The following WWOX variants were observed in gnomAD, a reference collection of about 807,000 sequenced individuals.
WWOX encodes WW domain containing oxidoreductase, also known as WW domain-containing oxidoreductase.
A neutral mutation model predicts 46.2 loss-of-function variants in WWOX; 69 were observed. The ratio of observed to expected loss-of-function variants is 1.49; its 90% CI spans 1.23 to 1.82. The LOEUF (loss-of-function observed/expected upper bound fraction) is 1.82, where lower values mean the gene tolerates loss of function less well. WWOX is among the 40% of genes most tolerant of loss of function. The pLI, the probability that WWOX is intolerant of heterozygous loss-of-function variation, is 0.00. For synonymous variants in WWOX, 359 were observed against 202.6 expected, an observed-to-expected ratio of 1.77 and a Z score of -6.56; for missense variants, 919 against 542.6, an observed-to-expected ratio of 1.69 and a Z score of -6.89.
At chr16:78,141,662 C>T (rs373860916) in intron 4 of WWOX, among the ~76,000 whole-genome samples, 1 of 151,976 alleles carries the variant, frequency 6.6e-6, no homozygotes, top group South Asian at 2.1e-4. Flanking sequence ...CACATACTTG[C>T]TTTAGAGAGT....
At chr16:78,900,764 A>G (rs1275351363) in intron 8 of WWOX, among the ~76,000 whole-genome samples, 1 of 152,158 alleles carries the variant, frequency 6.6e-6, no homozygotes, top group African/African-American at 2.4e-5. Context: ...GAATATTCAT[A>G]GTGGTCATGC....
chr16:78,721,519 G>T (rs1009985109), intron 8 of WWOX, among the ~76,000 whole-genome samples: 2 of 152,154 alleles, frequency 1.3e-5, no homozygotes, highest in Non-Finnish European at 2.9e-5. Context: ...TTGTGGGCTG[G>T]GGGAACCAGA....
At chr16:79,159,786 C>T (rs1375388365) in intron 8 of WWOX, among the ~76,000 whole-genome samples, 1 of 152,192 alleles carries the variant, frequency 6.6e-6, no homozygotes, top group Non-Finnish European at 1.5e-5. Context: ...TGCGAATTCT[C>T]CTCATGCTAG....
intron 5 of WWOX, among the ~76,000 whole-genome samples, chr16:78,315,157 A>T (rs1244401907): frequency 2.6e-5 from 4 of 152,158 alleles, no homozygotes. Context: ...TTTCTTATGT[A>T]AGAAAACTCT....
At chr16:78,583,608 C>A (rs2045117699) in intron 8 of WWOX, among the ~76,000 whole-genome samples, 1 of 152,166 alleles carries the variant, frequency 6.6e-6, no homozygotes, top group Non-Finnish European at 1.5e-5. Context: ...TCTTCCCAAG[C>A]TGGGATTGAC....
intron 8 of WWOX, among the ~76,000 whole-genome samples, chr16:78,559,978 G>C (rs1009912621): frequency 1.3e-5 from 2 of 152,132 alleles, no homozygotes; most frequent in African/African-American, 4.8e-5. Flanking sequence ...ACTAGCCAAG[G>C]TCTCTGGAGT....
At chr16:78,490,133 A>T (rs1282901232) in intron 8 of WWOX, among the ~76,000 whole-genome samples, 86 of 141,136 alleles carry the variant, frequency 6.1e-4, no homozygotes, top group African/African-American at 2.0e-3. Flanking sequence ...TGGGGAAAAA[A>T]TTTTTTTTTT....
At chr16:78,967,458 GGTT>G (rs1567445416) in intron 8 of WWOX, among the ~76,000 whole-genome samples, 1 of 91,444 alleles carries the variant, frequency 1.1e-5, no homozygotes, top group Non-Finnish European at 2.1e-5. Flanking sequence ...TAATTTTTGT[GGTT>G]TTTTTTTTTT....
At chr16:78,857,856 C>G (rs1391314679) in intron 8 of WWOX, among the ~76,000 whole-genome samples, 1 of 152,094 alleles carries the variant, frequency 6.6e-6, no homozygotes, top group Non-Finnish European at 1.5e-5. Context: ...GCATTTTTGA[C>G]CGAAATTAAA....
Position 79,212,128 on chromosome 16 carries a change from A to T in WWOX, c.*332A>T. The T allele has an allele frequency of 2.6e-6, 4 of 1,531,126 alleles. No individual in the cohort carries two copies. Among genetic ancestry groups the T allele is most frequent in the Non-Finnish European group, 3.5e-6 (4 of 1,144,012 alleles). The allele number at this position is 1,531,126 out of a possible 1,614,324, so 94.8% of individuals were successfully genotyped here. ...TCTCTTTCTTTTACTGTTATAGAAT[A>T]GCCTGAGGTCCCCTCGTCCCATCCA... On this transcript the variant is annotated 3_prime_UTR_variant, in exon 9 of 9. Coordinates refer to ENST00000566780, the MANE Select transcript of WWOX (RefSeq NM_016373.4).
chr16:78,455,140 G>C (rs74028007), intron 8 of WWOX, among the ~76,000 whole-genome samples: 18,551 of 152,148 alleles, frequency 0.12, 1,731 homozygotes, highest in African/African-American at 0.25. Flanking sequence ...AGGATAGATA[G>C]AAGAGGAGTC....
chr16:78,964,273 G>C (rs1597212997), intron 8 of WWOX, among the ~76,000 whole-genome samples: 1 of 152,220 alleles, frequency 6.6e-6, no homozygotes, highest in East Asian at 1.9e-4. Flanking sequence ...GCTTCCTAGA[G>C]ACTTGTTGAA....
intron 7 of WWOX, among the ~76,000 whole-genome samples, chr16:78,428,492 G>T (rs1244165599): frequency 6.6e-6 from 1 of 152,216 alleles, no homozygotes; most frequent in Non-Finnish European, 1.5e-5. Context: ...TCTTTGCAGA[G>T]AGAGTGCCTG....
At chr16:78,799,132 G>C (rs1024939056) in intron 8 of WWOX, among the ~76,000 whole-genome samples, 1 of 151,604 alleles carries the variant, frequency 6.6e-6, no homozygotes, top group South Asian at 2.1e-4. Flanking sequence ...ATGGTTCCTG[G>C]CATTTGTGTC....
chr16:78,660,422 C>G (rs150255327), intron 8 of WWOX, among the ~76,000 whole-genome samples: 1 of 152,116 alleles, frequency 6.6e-6, no homozygotes, highest in African/African-American at 2.4e-5. Context: ...GAAGGGGCCA[C>G]TTAACACAGC....
chr16:78,529,538 C>G (rs1398903526), intron 8 of WWOX, among the ~76,000 whole-genome samples: 1 of 152,266 alleles, frequency 6.6e-6, no homozygotes, highest in Non-Finnish European at 1.5e-5. Context: ...AAGATCCCTG[C>G]TCACTGCAAC....
intron 8 of WWOX, among the ~76,000 whole-genome samples, chr16:78,512,138 T>C (rs1274353074): frequency 6.6e-6 from 1 of 152,140 alleles, no homozygotes; most frequent in Non-Finnish European, 1.5e-5. Context: ...ATGATAAAGA[T>C]TGTGTGATCA....
intron 8 of WWOX, among the ~76,000 whole-genome samples, chr16:78,454,242 T>G (rs528522682): frequency 6.6e-6 from 1 of 152,312 alleles, no homozygotes; most frequent in African/African-American, 2.4e-5. Context: ...GGACAAATTC[T>G]GATGGACAGA....
chr16:79,111,347 A>T (rs971253589), intron 8 of WWOX, among the ~76,000 whole-genome samples: 3 of 152,164 alleles, frequency 2.0e-5, no homozygotes, highest in African/African-American at 7.2e-5. Flanking sequence ...AGAAAATCCA[A>T]CCAGTGTGTT....
Sources: allele counts gnomAD v4.1 joint callset (sites outside exome capture counted in the v4.1 genomes callset), GRCh38; gene constraint gnomAD v4.1.1; transcripts MANE v1.5; gene names NCBI Gene and HGNC (gene_info 2026-07-23, HGNC 2026-07-21).